ZNF280C: variants seen among roughly 807,000 people sequenced by gnomAD.
ZNF280C encodes the protein suppressor of hairy wing homolog 3.
Under a neutral mutation model 53.6 loss-of-function variants are expected in ZNF280C, and 14 were observed. The observed-to-expected ratio is 0.26, with a 90% confidence interval of 0.17 to 0.41. The LOEUF (loss-of-function observed/expected upper bound fraction) is 0.41, where lower values mean the gene tolerates loss of function less well. Among genes scored for constraint, ZNF280C ranks in the 10% least tolerant of loss-of-function variants. The probability of loss-of-function intolerance (pLI) is 1.00; values close to 1 mark genes in which losing one functional copy is unlikely to be tolerated. For synonymous variants in ZNF280C, 203 were observed against 181.1 expected (o/e 1.12, Z -0.97); for missense variants, 416 against 547.1 (o/e 0.76, Z 2.39).
chrX:130,215,091 T>C, intron 15 of ZNF280C, 102 bp downstream of exon 15: 14 of 914,569 alleles, frequency 1.5e-5, no homozygotes, highest in Non-Finnish European at 2.1e-5. Flanking sequence ...ACCCTTTTAG[T>C]TCCTTGATGA....
At chrX:130,262,378 C>T (rs181202960) in intron 1 of ZNF280C, among the ~76,000 whole-genome samples, 18 of 112,308 alleles carry the variant, frequency 1.6e-4, no homozygotes, top group Admixed American at 8.5e-4. Flanking sequence ...TTCTATGGGA[C>T]GACACGTCAA....
chrX:130,217,316 C>A (rs2124699282), intron 13 of ZNF280C, among the ~76,000 whole-genome samples: 1 of 111,784 alleles, frequency 8.9e-6, no homozygotes, highest in East Asian at 2.8e-4. Context: ...ACCTACAAAA[C>A]ATTATGCTAA....
intron 3 of ZNF280C, among the ~76,000 whole-genome samples, chrX:130,246,203 T>C (rs1392564568): frequency 8.9e-6 from 1 of 112,513 alleles, no homozygotes; most frequent in Non-Finnish European, 1.9e-5. Flanking sequence ...CCAAAAAGAT[T>C]TACGTGTGCT....
At chrX:130,227,076 A>G (rs781617215) in intron 11 of ZNF280C, among the ~76,000 whole-genome samples, 171 bp from the exon 12 acceptor site, 27 of 111,770 alleles carry the variant, frequency 2.4e-4, no homozygotes, top group Non-Finnish European at 4.7e-4. Flanking sequence ...ATAACCTTTG[A>G]AAGATATCTT....
intron 12 of ZNF280C, among the ~76,000 whole-genome samples, chrX:130,221,003 A>C (rs2032157821): frequency 9.0e-6 from 1 of 111,610 alleles, no homozygotes; most frequent in Admixed American, 9.6e-5. Context: ...TTAAAGATGT[A>C]TCTCCACCAG....
At chrX:130,236,694 TTGC>T in intron 6 of ZNF280C, 55 bp from the exon 7 acceptor site, 2 of 901,565 alleles carry the variant, frequency 2.2e-6, no homozygotes, top group Non-Finnish European at 3.0e-6. Context: ...GTATGGAATA[TTGC>T]TTATGTAAAA....
intron 3 of ZNF280C, among the ~76,000 whole-genome samples, chrX:130,244,769 C>A (rs2043077801): frequency 2.7e-5 from 2 of 73,502 alleles, no homozygotes; most frequent in Non-Finnish European, 2.3e-5. Context: ...CAGAGCGAGA[C>A]TCCATCTTAA....
At chrX:130,255,325 A>G (rs1440578332) in intron 2 of ZNF280C, among the ~76,000 whole-genome samples, 2 of 103,928 alleles carry the variant, frequency 1.9e-5, no homozygotes, top group African/African-American at 7.0e-5. Context: ...TATTTTTAGT[A>G]GAGACGGGGT....
chrX:130,230,762 G>A (rs1424788598), intron 8 of ZNF280C, 35 bp from the exon 9 acceptor site: 1 of 968,953 alleles, frequency 1.0e-6, no homozygotes, highest in Non-Finnish European at 1.4e-6. Flanking sequence ...CTTGTCTACA[G>A]CTCTTTTAAA....
chrX:130,232,581 G>T (rs1378455853), intron 8 of ZNF280C, among the ~76,000 whole-genome samples: 1 of 111,549 alleles, frequency 9.0e-6, no homozygotes, highest in East Asian at 2.8e-4. Context: ...ACACATATGT[G>T]CAAAGGTGCT....
chrX:130,240,184 A>G (rs190573667), intron 5 of ZNF280C, among the ~76,000 whole-genome samples: 5 of 111,742 alleles, frequency 4.5e-5, no homozygotes, highest in Admixed American at 1.9e-4. Context: ...AAATGATACT[A>G]TCACATAACA....
intron 1 of ZNF280C, among the ~76,000 whole-genome samples, chrX:130,262,159 T>TA (rs759281140): frequency 1.8e-5 from 2 of 111,917 alleles, no homozygotes; most frequent in South Asian, 3.7e-4. Context: ...ATAAATGCTC[T>TA]AAAAAGTCAG....
intron 10 of ZNF280C, 62 bp from the exon 11 acceptor site, chrX:130,227,844 G>T: frequency 1.6e-6 from 1 of 608,647 alleles, no homozygotes; most frequent in African/African-American, 2.2e-5. Context: ...GATTCATTTT[G>T]TACATCCACA....
chrX:130,265,306 C>A (rs1245869191), intron 1 of ZNF280C, among the ~76,000 whole-genome samples: 1 of 111,310 alleles, frequency 9.0e-6, no homozygotes. Context: ...TGGGATGGGG[C>A]ACTATAATAA....
At chrX:130,215,479 C>A in intron 14 of ZNF280C, 146 bp from the exon 15 acceptor site, 1 of 585,885 alleles carries the variant, frequency 1.7e-6, no homozygotes, top group Non-Finnish European at 2.5e-6. Context: ...TGCTTTGAAA[C>A]AAGCTAGAGT....
At chrX:130,211,686 G>A (rs965629203) in intron 15 of ZNF280C, among the ~76,000 whole-genome samples, 2 of 111,537 alleles carry the variant, frequency 1.8e-5, no homozygotes. Context: ...ATGAGTAAGA[G>A]CTCAATGTGT....
At chrX:130,260,746 C>A (rs1053721188) in intron 1 of ZNF280C, among the ~76,000 whole-genome samples, 1 of 111,825 alleles carries the variant, frequency 8.9e-6, no homozygotes, top group Admixed American at 9.5e-5. Flanking sequence ...GTTTAATACA[C>A]ACAGGTAATT....
At chrX:130,255,014 CA>C (rs928174290) in intron 2 of ZNF280C, among the ~76,000 whole-genome samples, 2 of 102,409 alleles carry the variant, frequency 2.0e-5, no homozygotes, top group African/African-American at 7.2e-5. Context: ...TAAAGACAGC[CA>C]AAATTCAGTT....
At chrX:130,248,881 T>C (rs1374730941) in intron 2 of ZNF280C, among the ~76,000 whole-genome samples, 3 of 112,200 alleles carry the variant, frequency 2.7e-5, no homozygotes, top group African/African-American at 9.7e-5. Context: ...CGCAAGTGGA[T>C]CTTGCCTTCC....
Sources: gnomAD v4.1 joint callset for allele counts (sites outside exome capture counted in the v4.1 genomes callset) on GRCh38, gnomAD v4.1.1 for gene constraint, MANE v1.5 for transcripts, NCBI Gene and HGNC (gene_info 2026-07-23, HGNC 2026-07-21) for gene names.